Variants in EVI5 observed in about 807,000 individuals in gnomAD.
The protein encoded by EVI5 is ecotropic viral integration site 5 protein homolog.
In EVI5, 73 loss-of-function variants were observed where a neutral mutation model predicts 112.0. The ratio of observed to expected loss-of-function variants is 0.65; its 90% CI spans 0.54 to 0.79. The LOEUF is 0.79. Among genes scored for constraint, EVI5 ranks in the 30% least tolerant of loss-of-function variants. The pLI is 0.00. For synonymous variants in EVI5, 305 were observed against 319.9 expected, an observed-to-expected ratio of 0.95 and a Z score of 0.50; for missense variants, 900 against 968.8, an observed-to-expected ratio of 0.93 and a Z score of 0.94.
chr1:92,784,366 C>A, intron 1 of EVI5: 1 of 985,404 alleles, frequency 1.0e-6, no homozygotes, highest in Non-Finnish European at 1.2e-6. Flanking sequence ...TCTTGCCCAT[C>A]AGCAGCCTGG....
intron 9 of EVI5, among the ~76,000 whole-genome samples, chr1:92,685,255 T>A (rs1228972381): frequency 2.0e-5 from 3 of 152,132 alleles, no homozygotes; most frequent in African/African-American, 7.2e-5. Flanking sequence ...AGAAACTCAC[T>A]CAAAACGCAC....
intron 9 of EVI5, among the ~76,000 whole-genome samples, chr1:92,687,847 T>C (rs896221980): frequency 3.9e-5 from 6 of 152,110 alleles, no homozygotes; most frequent in South Asian, 4.1e-4. Context: ...TACCATCTCA[T>C]GCCAGTTAGA....
At chr1:92,762,858 T>A (rs2102998894) in intron 1 of EVI5, among the ~76,000 whole-genome samples, 2 of 152,268 alleles carry the variant, frequency 1.3e-5, no homozygotes, top group African/African-American at 4.8e-5. Flanking sequence ...AGAAGTTATT[T>A]ACTGGGTACA....
intron 14 of EVI5, among the ~76,000 whole-genome samples, chr1:92,633,521 C>T (rs878948524): frequency 2.6e-5 from 4 of 152,016 alleles, no homozygotes; most frequent in Admixed American, 6.5e-5. Context: ...TTTCCATTTG[C>T]TTGGTAGATC....
intron 2 of EVI5, among the ~76,000 whole-genome samples, chr1:92,726,773 G>A (rs1025182454): frequency 2.0e-5 from 3 of 152,076 alleles, no homozygotes; most frequent in Non-Finnish European, 4.4e-5. Flanking sequence ...TGACAAAACT[G>A]GTACAAAGGA....
intron 18 of EVI5, among the ~76,000 whole-genome samples, chr1:92,566,498 T>C (rs1337936917): frequency 6.6e-6 from 1 of 152,246 alleles, no homozygotes; most frequent in African/African-American, 2.4e-5. Flanking sequence ...GCATATACAA[T>C]TATGCACAGT....
At chr1:92,728,841 A>G (rs946190008) in intron 2 of EVI5, among the ~76,000 whole-genome samples, 1 of 152,188 alleles carries the variant, frequency 6.6e-6, no homozygotes, top group Non-Finnish European at 1.5e-5. Context: ...CTGGGAAGTG[A>G]ATCATCCCCT....
At chr1:92,718,732 C>CA (rs898862848) in intron 2 of EVI5, among the ~76,000 whole-genome samples, 1 of 151,526 alleles carries the variant, frequency 6.6e-6, no homozygotes, top group Non-Finnish European at 1.5e-5. Context: ...AAAAACCCTT[C>CA]AAAAAAAATC....
At position 92,662,809 on chromosome 1, in the gene EVI5, C is replaced by G; in HGVS notation, c.1302G>C (p.Leu434Phe). The G allele has an allele frequency of 2.2e-5, 29 of 1,289,370 alleles. No individual in the cohort carries two copies. The highest frequency in any genetic ancestry group is 2.6e-5 in the Non-Finnish European group (26 of 988,696). The allele number at this position is 1,289,370 out of a possible 1,614,324, so 79.9% of individuals were successfully genotyped here. Residue 434 changes from leucine to phenylalanine, a missense_variant, in exon 13 of 20, where the codon TTG (leucine) becomes TTC (phenylalanine). Leu to Phe is a conservative substitution (Grantham distance 22, BLOSUM62 0). Transcript: ENST00000684568. ...AEENYLIKRE[L>F]ATIKQQSDEA... ...CATCACTCTGCTGTTTGATGGTGGC[C>G]AACTCCCGTTTTATGAGGTAGTTTT... is the stretch of plus-strand genomic sequence containing the variant.
At chr1:92,658,068 A>T (rs1663317801) in intron 13 of EVI5, among the ~76,000 whole-genome samples, 1 of 152,204 alleles carries the variant, frequency 6.6e-6, no homozygotes, top group Non-Finnish European at 1.5e-5. Context: ...GCCATATCAT[A>T]GGCATTGAAG....
intron 19 of EVI5, among the ~76,000 whole-genome samples, chr1:92,516,245 G>A (rs1026733621): frequency 4.6e-5 from 7 of 152,156 alleles, no homozygotes; most frequent in African/African-American, 1.7e-4. Flanking sequence ...CTTCCTGGCT[G>A]TTATAAAGGA....
intron 6 of EVI5, among the ~76,000 whole-genome samples, chr1:92,695,767 AACT>A (rs1344591295): frequency 2.0e-5 from 3 of 152,174 alleles, no homozygotes; most frequent in Non-Finnish European, 4.4e-5. Flanking sequence ...CTCTTCTATC[AACT>A]ATAATATTTT....
chr1:92,614,743 T>C (rs1426928911), intron 16 of EVI5, among the ~76,000 whole-genome samples: 3 of 150,750 alleles, frequency 2.0e-5, no homozygotes, highest in African/African-American at 7.3e-5. Flanking sequence ...GATCTTGCGA[T>C]CGTGTAAGTT....
intron 18 of EVI5, among the ~76,000 whole-genome samples, chr1:92,579,828 A>G (rs947425138): frequency 2.0e-5 from 3 of 152,160 alleles, no homozygotes; most frequent in Admixed American, 6.5e-5. Context: ...CCCGTGCCCA[A>G]CCTAAATTAT....
chr1:92,537,137 T>C (rs1448953857), intron 19 of EVI5, among the ~76,000 whole-genome samples: 6 of 151,994 alleles, frequency 3.9e-5, no homozygotes, highest in Non-Finnish European at 7.4e-5. Context: ...AAAAAAGTCA[T>C]CCACACACCA....
At chr1:92,689,643 CAG>C (rs1277336606) in intron 9 of EVI5, among the ~76,000 whole-genome samples, 1 of 152,030 alleles carries the variant, frequency 6.6e-6, no homozygotes, top group East Asian at 1.9e-4. Flanking sequence ...GAAAGGACTA[CAG>C]ATGTTAAACC....
chr1:92,759,363 A>G (rs1394523096), intron 1 of EVI5, among the ~76,000 whole-genome samples: 1 of 152,194 alleles, frequency 6.6e-6, no homozygotes, highest in Non-Finnish European at 1.5e-5. Context: ...TGAAAAAATG[A>G]TGGAGCATGA....
At chr1:92,544,141 A>C (rs1665287859) in intron 19 of EVI5, among the ~76,000 whole-genome samples, 1 of 152,184 alleles carries the variant, frequency 6.6e-6, no homozygotes, top group South Asian at 2.1e-4. Context: ...TAGAGACAGA[A>C]AGTAGATTAG....
chr1:92,683,911 C>T (rs982461261), intron 9 of EVI5, among the ~76,000 whole-genome samples: 3 of 151,864 alleles, frequency 2.0e-5, no homozygotes, highest in Non-Finnish European at 4.4e-5. Flanking sequence ...GTGAAAAGAC[C>T]AAATATACAT....
Sources: allele counts gnomAD v4.1 joint callset (sites outside exome capture counted in the v4.1 genomes callset), GRCh38; gene constraint gnomAD v4.1.1; transcripts MANE v1.5; gene names NCBI Gene and HGNC (gene_info 2026-07-23, HGNC 2026-07-21).